Variants in ALG12 observed in about 807,000 individuals in gnomAD.
ALG12 encodes the protein dol-P-Man:Man(7)GlcNAc(2)-PP-Dol alpha-1,6-mannosyltransferase.
Under a neutral mutation model 46.0 loss-of-function variants are expected in ALG12, and 36 were observed. The observed-to-expected ratio is 0.78, with a 90% CI of 0.60 to 1.03. The LOEUF (loss-of-function observed/expected upper bound fraction) is 1.03. ALG12 is among the 50% of genes least tolerant of loss of function. The pLI is 0.00. For missense variants in ALG12, 599 were observed against 633.5 expected (o/e 0.95, Z 0.58); for synonymous variants, 326 against 291.6 (o/e 1.12, Z -1.20).
chr22:49,898,543 C>T (rs2060492590), downstream of ALG12, among the ~76,000 whole-genome samples: 2 of 152,038 alleles, frequency 1.3e-5, no homozygotes, highest in Admixed American at 1.3e-4. Context: ...GTGCCCGCCA[C>T]CATGCCCGGC....
the ALG12 span, among the ~76,000 whole-genome samples, chr22:49,871,905 C>T: frequency 6.6e-6 from 1 of 151,854 alleles, no homozygotes; most frequent in African/African-American, 2.4e-5. Context: ...ACCAACATGC[C>T]CAGCTAATTT....
chr22:49,865,693 G>T, the ALG12 span, among the ~76,000 whole-genome samples: 6 of 151,920 alleles, frequency 3.9e-5, no homozygotes, highest in Admixed American at 3.9e-4. Context: ...CTCACATTGG[G>T]TCCTCATGTT....
chr22:49,904,940 A>C (rs867975479), intron 7 of ALG12, among the ~76,000 whole-genome samples: 20 of 152,026 alleles, frequency 1.3e-4, no homozygotes, highest in Admixed American at 3.9e-4. Flanking sequence ...GGCTTTCACT[A>C]TGTTGGCCAG....
chr22:49,885,723 C>G, the ALG12 span: 1 of 1,606,528 alleles, frequency 6.2e-7, no homozygotes, highest in Non-Finnish European at 8.5e-7. Context: ...TGCTTGAATA[C>G]TTGAAACCTC....
the ALG12 span, chr22:49,887,335 A>AC: frequency 8.1e-5 from 57 of 699,542 alleles, no homozygotes; most frequent in East Asian, 1.6e-3. Flanking sequence ...CACGTGCCTT[A>AC]CCCCTTCTCC....
chr22:49,883,652 T>A, the ALG12 span: 3 of 1,546,358 alleles, frequency 1.9e-6, no homozygotes, highest in Admixed American at 5.6e-5. Flanking sequence ...CCGGAGTAGT[T>A]ATGGTCAGTC....
At position 49,910,475 on chromosome 22, in the gene ALG12, T is replaced by G. The variant is rs931786483; in HGVS notation, c.428A>C (p.Tyr143Ser). 1 of 1,613,606 alleles carries G rather than the reference T, an allele frequency of 6.2e-7. No homozygotes were observed. The highest frequency in any genetic ancestry group is 1.3e-5 in the African/African-American group (1 of 74,904). The part of the protein sequence containing the change: ...VTAMQFHLMF[Y>S]CTRTLPNVLA... Reference sequence around the variant, plus strand: ...CACATTGGGCAGTGTCCGCGTGCAGTAGAACATCAGGTGGAACTGCATGGC... The same window carrying G: ...CACATTGGGCAGTGTCCGCGTGCAGGAGAACATCAGGTGGAACTGCATGGC... Residue 143 changes from tyrosine to serine, a missense_variant, in exon 4 of 10, where the codon TAC (tyrosine) becomes TCC (serine). By Grantham distance (144) the Tyr-to-Ser change is moderately radical (BLOSUM62 -2). Transcript: ENST00000330817.
chr22:49,886,103 G>A, the ALG12 span: 1 of 680,916 alleles, frequency 1.5e-6, no homozygotes, highest in Non-Finnish European at 2.7e-6. This position sits in a 1 kb window ranked among gnomAD's most constrained non-coding sequence, Gnocchi z 7.7. Context: ...GCCAGCATCG[G>A]GAAGACGCTG....
the ALG12 span, among the ~76,000 whole-genome samples, chr22:49,871,656 TG>T: frequency 6.6e-6 from 1 of 152,126 alleles, no homozygotes; most frequent in Non-Finnish European, 1.5e-5. Context: ...GATGTTGCCT[TG>T]GTGTCCAGGG....
At chr22:49,915,141 T>G (rs556615323) in intron 1 of ALG12, among the ~76,000 whole-genome samples, 1 of 152,258 alleles carries the variant, frequency 6.6e-6, no homozygotes, top group South Asian at 2.1e-4. Flanking sequence ...GGGCAGGGGG[T>G]GGAGAGAAAG....
the ALG12 span, among the ~76,000 whole-genome samples, chr22:49,873,031 A>G: frequency 2.0e-5 from 3 of 152,080 alleles, no homozygotes; most frequent in African/African-American, 4.8e-5. Context: ...GGGTTTTGCC[A>G]TGTTGCCCAG....
rs745710048 is a variant in ALG12, at chr22:49,903,367, C to T, written c.*471G>A. ...TGGCACCAGGGTGGGGGGGTGCGGC[C>T]GGGGCCACCATGGTCTCCCCTGAGA... On this transcript the variant is annotated 3_prime_UTR_variant, in exon 10 of 10. Transcript: ENST00000330817. The T allele has an allele frequency of 2.2e-5, 10 of 457,198 alleles. No homozygotes were observed. The highest frequency in any genetic ancestry group is 3.9e-5 in the Non-Finnish European group (9 of 228,202). The allele number at this position is 457,198 out of a possible 1,614,324, so 28.3% of individuals were successfully genotyped here.
chr22:49,860,900 T>A, the ALG12 span, among the ~76,000 whole-genome samples: 1 of 151,704 alleles, frequency 6.6e-6, no homozygotes, highest in East Asian at 1.9e-4. Context: ...TGCCTCAGCC[T>A]CCCGAGTAGC....
At chr22:49,897,440 G>A (rs143458965), downstream of ALG12, among the ~76,000 whole-genome samples, 593 of 152,218 alleles carry the variant, frequency 3.9e-3, 12 homozygotes, top group Middle Eastern at 0.014. Flanking sequence ...TTGCATTCAC[G>A]CCAGCAATGA....
At chr22:49,911,445 T>C (rs531769628) in intron 3 of ALG12, among the ~76,000 whole-genome samples, 133 of 151,550 alleles carry the variant, frequency 8.8e-4, no homozygotes, top group African/African-American at 3.1e-3. Flanking sequence ...TTTTTTTTTT[T>C]CTTTTTAAGG....
the ALG12 span, chr22:49,885,284 T>C: frequency 6.3e-7 from 1 of 1,596,042 alleles, no homozygotes; most frequent in Admixed American, 1.7e-5. Context: ...TTGACTGACT[T>C]GCCAACAGTG....
At chr22:49,862,396 G>A in the ALG12 span, among the ~76,000 whole-genome samples, 4 of 152,344 alleles carry the variant, frequency 2.6e-5, no homozygotes, top group Admixed American at 2.0e-4. Flanking sequence ...AAGCCACTGC[G>A]CCCAGCCTAG....
At chr22:49,887,853 C>A in the ALG12 span, 1 of 167,234 alleles carries the variant, frequency 6.0e-6, no homozygotes, top group East Asian at 1.9e-4. Flanking sequence ...CTCAGAGATA[C>A]CCCAGCTGTT....
chr22:49,913,356 C>G (rs1421793138), intron 3 of ALG12, 29 bp downstream of exon 3: 1 of 1,613,132 alleles, frequency 6.2e-7, no homozygotes. Flanking sequence ...GTCCCTCACT[C>G]CCTCCTCCTT....
Sources: gnomAD v4.1 joint callset for allele counts (sites outside exome capture counted in the v4.1 genomes callset) on GRCh38, gnomAD v4.1.1 for gene constraint, Gnocchi (gnomAD v3.1) non-coding constraint, MANE v1.5 for transcripts, NCBI Gene and HGNC (gene_info 2026-07-23, HGNC 2026-07-21) for gene names.